The following NUP133 variants were observed in gnomAD, a reference collection of about 807,000 sequenced individuals.
The protein encoded by NUP133 is nucleoporin 133.
NUP133 carries 66 observed loss-of-function variants against 146.2 expected under a neutral mutation model. The observed-to-expected ratio is 0.45, with a 90% CI of 0.37 to 0.55. The LOEUF is 0.55. Ranked by LOEUF, NUP133 falls within the 20% of genes least tolerant of loss-of-function variation. The probability of loss-of-function intolerance (pLI) is 0.00; values close to 1 mark genes in which losing one functional copy is unlikely to be tolerated. For synonymous variants in NUP133, 521 were observed against 498.8 expected, an observed-to-expected ratio of 1.04 and a Z score of -0.59; for missense variants, 1,277 against 1,374.8, an observed-to-expected ratio of 0.93 and a Z score of 1.12.
intron 22 of NUP133, among the ~76,000 whole-genome samples, chr1:229,452,189 A>T (rs954309656): frequency 6.6e-6 from 1 of 152,162 alleles, no homozygotes; most frequent in African/African-American, 2.4e-5. Flanking sequence ...ATTTTTTCTT[A>T]TAGAAGAGCT....
At chr1:229,472,927 A>G (rs1157574593) in intron 14 of NUP133, among the ~76,000 whole-genome samples, 1 of 151,864 alleles carries the variant, frequency 6.6e-6, no homozygotes, top group Non-Finnish European at 1.5e-5. Context: ...GTTTGGCTCA[A>G]GGAGAAAAGG....
At chr1:229,482,930 A>G (rs1196331756) in intron 12 of NUP133, among the ~76,000 whole-genome samples, 1 of 152,210 alleles carries the variant, frequency 6.6e-6, no homozygotes. Context: ...TACGGTAAAG[A>G]GCAGCCAGCC....
chr1:229,470,669 G>C lies in NUP133; in HGVS notation c.1987C>G (p.Leu663Val). Residue 663 changes from leucine (L) to valine (V), a missense_variant, in exon 15 of 26, where the codon CTT becomes GTT. Leu to Val is a conservative substitution (Grantham distance 32, BLOSUM62 1). Transcript: ENST00000261396. ...LKNHHSRLSD[L>V]VNTAILIALN... ...GCAATCAATATGGCTGTGTTGACAA[G>C]GTCAGAAAGCCGGGAGTGGTGGTTC... 1.9e-6 allele frequency: 3 copies of C among 1,614,152 alleles called. No homozygotes were observed. The highest frequency in any genetic ancestry group is 2.5e-6 in the Non-Finnish European group (3 of 1,180,038).
At chr1:229,474,228 G>A (rs1038760950) in intron 14 of NUP133, among the ~76,000 whole-genome samples, 4 of 152,188 alleles carry the variant, frequency 2.6e-5, no homozygotes, top group African/African-American at 9.7e-5. Context: ...AATGCAGGTC[G>A]AGTGATTCCG....
intron 20 of NUP133, 140 bp from the exon 21 acceptor site, chr1:229,458,436 T>C: frequency 2.9e-6 from 2 of 680,474 alleles, no homozygotes; most frequent in Non-Finnish European, 4.8e-6. Context: ...ACCTAAAAAC[T>C]GAGCAGTACG....
At chr1:229,499,213 T>G (rs1370477736) in intron 5 of NUP133, 1 of 471,038 alleles carries the variant, frequency 2.1e-6, no homozygotes, top group East Asian at 6.9e-5. Flanking sequence ...TTTTGTTTCT[T>G]TGTGAACCTA....
In NUP133 at chr1:229,477,782, C is replaced by G. The variant is rs370160592; in HGVS notation, c.1593-22G>C. 2.6e-5 allele frequency: 42 copies of G among 1,592,982 alleles called. No individual in the cohort carries two copies. In the African/African-American group the frequency reaches 5.4e-4, roughly 20 times the overall value. On this transcript the variant is annotated intron_variant, in intron 12 of 25. Coordinates refer to ENST00000261396, the MANE Select transcript of NUP133 (RefSeq NM_018230.3). Reference sequence around the variant, plus strand: ...TTTTCTGAAATAAAATTGGAAAACACAAGTATTAAGGGAGGCAAAATATTT... The same window carrying G: ...TTTTCTGAAATAAAATTGGAAAACAGAAGTATTAAGGGAGGCAAAATATTT...
intron 12 of NUP133, among the ~76,000 whole-genome samples, chr1:229,483,630 G>A (rs1165617618): frequency 2.0e-5 from 3 of 150,782 alleles, no homozygotes; most frequent in African/African-American, 7.4e-5. Flanking sequence ...GCTTGAACCC[G>A]GGAGGCGGAG....
Position 229,495,881 on chromosome 1 carries a change from T to C in NUP133, c.975+11A>G, listed in dbSNP as rs2102781839. ...ACATGAATTACAGAGATGAATATTA[T>C]TGTTTCTTACCCAAATAGCATCGGT... On this transcript the variant is annotated intron_variant, in intron 7 of 25. Coordinates refer to ENST00000261396, the MANE Select transcript of NUP133 (RefSeq NM_018230.3). 1 of 1,568,898 alleles carries C rather than the reference T, an allele frequency of 6.4e-7. No homozygotes were observed. The highest frequency in any genetic ancestry group is 8.6e-7 in the Non-Finnish European group (1 of 1,160,332).
At chr1:229,446,045 T>C (rs955122537) in intron 24 of NUP133, among the ~76,000 whole-genome samples, 1 of 152,220 alleles carries the variant, frequency 6.6e-6, no homozygotes, top group Non-Finnish European at 1.5e-5. Flanking sequence ...GTCTTTGTCA[T>C]TGAATCGTAA....
At position 229,478,444 on chromosome 1, in the gene NUP133, G is replaced by C. The variant is rs144972686; in HGVS notation, c.1593-684C>G. ...GGTAAAGAGGAGGTCATGGAAGGCTGGGGAGAACTGGGGGAGGGGTATACA... is the reference window on the plus strand; with the variant it reads ...GGTAAAGAGGAGGTCATGGAAGGCTCGGGAGAACTGGGGGAGGGGTATACA... On this transcript the variant is annotated intron_variant, in intron 12 of 25. Transcript: ENST00000261396. Among the ~76,000 whole-genome samples, 61 of 151,974 alleles carry C rather than the reference G, an allele frequency of 4.0e-4. No homozygotes were observed. In the East Asian group the frequency reaches 0.011, roughly 28 times the overall value.
chr1:229,481,366 A>G (rs1661207945), intron 12 of NUP133, among the ~76,000 whole-genome samples: 1 of 152,150 alleles, frequency 6.6e-6, no homozygotes, highest in Non-Finnish European at 1.5e-5. Flanking sequence ...TGCAGATACA[A>G]TTTGTTAAAT....
At chr1:229,447,800 C>T (rs10916479) in intron 24 of NUP133, among the ~76,000 whole-genome samples, 39,816 of 151,990 alleles carry the variant, frequency 0.26, 6,618 homozygotes, top group African/African-American at 0.47. Context: ...CCATGATCTC[C>T]TCATCTGTAT....
At chr1:229,482,306 T>C (rs1485409371) in intron 12 of NUP133, among the ~76,000 whole-genome samples, 1 of 152,046 alleles carries the variant, frequency 6.6e-6, no homozygotes, top group Non-Finnish European at 1.5e-5. Context: ...TATGGAACCA[T>C]GGGCTCAGAA....
intron 12 of NUP133, among the ~76,000 whole-genome samples, chr1:229,483,696 C>CAA (rs35673633): frequency 0.022 from 1,276 of 56,820 alleles, 29 homozygotes; most frequent in African/African-American, 0.048. Context: ...CGGAGTGTCT[C>CAA]AAAAAAAAAA....
Position 229,498,124 on chromosome 1 carries a change from T to G in NUP133, c.819+12A>C, listed in dbSNP as rs1661702126. On this transcript the variant is annotated intron_variant, in intron 6 of 25. Transcript: ENST00000261396. ...GAAATAAGCTTGTAAAATAGTTATT[T>G]TATAAACTTACTGTGAGATCACTAC... The G allele has an allele frequency of 6.5e-7, 1 of 1,542,902 alleles. No individual in the cohort carries two copies. Among genetic ancestry groups the G allele is most frequent in the African/African-American group, 1.4e-5 (1 of 71,352 alleles).
intron 22 of NUP133, among the ~76,000 whole-genome samples, chr1:229,451,440 T>C (rs935288976): frequency 6.6e-6 from 1 of 152,180 alleles, no homozygotes; most frequent in Non-Finnish European, 1.5e-5. Context: ...AAGTGTACAG[T>C]TGATCTATAT....
In NUP133 at chr1:229,500,740, C is replaced by A. The variant is rs774872409; in HGVS notation, c.513+16G>T. ...GTTGTAAAAAGTTTATTTAAATAAGCTTTTAAGTCACCTACCTGAGTAGAA... is the reference window on the plus strand; with the variant it reads ...GTTGTAAAAAGTTTATTTAAATAAGATTTTAAGTCACCTACCTGAGTAGAA... On this transcript the variant is annotated intron_variant, in intron 4 of 25. Coordinates refer to ENST00000261396, the MANE Select transcript of NUP133 (RefSeq NM_018230.3). The A allele has an allele frequency of 1.3e-6, 2 of 1,525,766 alleles. No homozygotes were observed. Among genetic ancestry groups the A allele is most frequent in the Admixed American group, 3.7e-5 (2 of 54,784 alleles). 94.5% of individuals were successfully genotyped at this position (1,525,766 alleles called of 1,614,324 possible).
intron 4 of NUP133, 88 bp downstream of exon 4, chr1:229,500,668 T>A: frequency 1.4e-6 from 1 of 731,656 alleles, no homozygotes; most frequent in Non-Finnish European, 2.3e-6. Context: ...TTTATAGTTA[T>A]ATCTCAAAAT....
Sources: allele counts gnomAD v4.1 joint callset (sites outside exome capture counted in the v4.1 genomes callset), GRCh38; gene constraint gnomAD v4.1.1; transcripts MANE v1.5; gene names NCBI Gene and HGNC (gene_info 2026-07-23, HGNC 2026-07-21).